PAK5: variants seen among roughly 807,000 people sequenced by gnomAD.
PAK5 encodes the protein p21 (RAC1) activated kinase 5, also known as serine/threonine-protein kinase PAK 5.
Under a neutral mutation model 65.9 loss-of-function variants are expected in PAK5, and 16 were observed. The ratio of observed to expected loss-of-function variants is 0.24; its 90% CI spans 0.16 to 0.37. The LOEUF is 0.37. PAK5 is among the 10% of genes least tolerant of loss of function. The pLI is 1.00. For synonymous variants in PAK5, 371 were observed against 354.9 expected (o/e 1.05, Z -0.51); for missense variants, 785 against 903.9 (o/e 0.87, Z 1.69).
At chr20:9,639,074 C>A (rs1350809989) in intron 3 of PAK5, among the ~76,000 whole-genome samples, 1 of 152,082 alleles carries the variant, frequency 6.6e-6, no homozygotes, top group Non-Finnish European at 1.5e-5. Flanking sequence ...GTCTTTTCTG[C>A]CCATTTATTC....
intron 6 of PAK5, among the ~76,000 whole-genome samples, chr20:9,561,395 T>C (rs982395386): frequency 6.6e-6 from 1 of 152,192 alleles, no homozygotes; most frequent in Admixed American, 6.5e-5. Flanking sequence ...AAGCAAAAAA[T>C]GTATATCACA....
intron 1 of PAK5, among the ~76,000 whole-genome samples, chr20:9,760,714 C>T (rs1377828346): frequency 7.6e-6 from 1 of 131,930 alleles, no homozygotes; most frequent in Non-Finnish European, 1.5e-5. Flanking sequence ...CTTTGTCACT[C>T]AGGCTGGAGT....
At chr20:9,690,750 C>CTTTT (rs112955560) in intron 2 of PAK5, among the ~76,000 whole-genome samples, 375 of 103,840 alleles carry the variant, frequency 3.6e-3, no homozygotes, top group Non-Finnish European at 5.4e-3. Flanking sequence ...TTCTTTCTTT[C>CTTTT]TTTTTTTTTT....
chr20:9,686,348 A>G (rs1463362262), intron 2 of PAK5, among the ~76,000 whole-genome samples: 1 of 152,170 alleles, frequency 6.6e-6, no homozygotes, highest in East Asian at 1.9e-4. Context: ...AGGAGGAGAC[A>G]CAGGCCAGGG....
intron 7 of PAK5, among the ~76,000 whole-genome samples, chr20:9,546,964 T>C (rs766600105): frequency 6.6e-6 from 1 of 152,246 alleles, no homozygotes; most frequent in Non-Finnish European, 1.5e-5. Context: ...TCTCCCAGAA[T>C]TCACATCCAT....
At chr20:9,833,890 T>C (rs1020607871) in intron 1 of PAK5, among the ~76,000 whole-genome samples, 4 of 152,224 alleles carry the variant, frequency 2.6e-5, no homozygotes, top group African/African-American at 9.6e-5. Context: ...TTTATGTATG[T>C]TTCCTGTTTT....
rs958970085 is a variant in PAK5 at position 9,565,912 on chromosome 20, C to T, written c.1463G>A (p.Arg488Gln). The T allele has an allele frequency of 1.2e-6, 2 of 1,612,884 alleles. No homozygotes were observed. Among genetic ancestry groups the T allele is most frequent in the Non-Finnish European group, 8.5e-7 (1 of 1,179,372 alleles). The change falls in exon 5 of 10, where the codon CGA becomes CAA. Residue 488 changes from arginine to glutamine, a missense_variant. Arg to Gln is a conservative substitution (Grantham distance 43). This residue lies in a region of PAK5 where 182 missense variants were observed against 273.0 expected (regional missense o/e 0.67). Coordinates refer to ENST00000353224, the MANE Select transcript of PAK5 (RefSeq NM_177990.4). The stretch of plus-strand genomic sequence containing the variant: ...CTTTACCTCATTGAAAAGCAGTTCT[C>T]GTCTCTGTTGCTTCCGGAGGTCCAT... ...KKMDLRKQQR[R>Q]ELLFNEVVIM...
chr20:9,542,627 T>C lies in PAK5; in HGVS notation c.1963A>G (p.Ile655Val). 6.2e-7 allele frequency: 1 copy of C among 1,613,992 alleles called. No homozygotes were observed. Residue 655 changes from isoleucine to valine, a missense_variant, in exon 9 of 10, where the codon ATC becomes GTC. Physicochemically the swap from Ile to Val is conservative, Grantham distance 29. This residue lies in a region of PAK5 where 110 missense variants were observed against 107.4 expected (regional missense o/e 1.02). Transcript: ENST00000353224. ...ACTCTTGGAGGTAAACTGTCCCGGA[T>C]CCTCCGCATCGCCTGGAGGGGAGGC... ...NEPPLQAMRR[I>V]RDSLPPRVKD...
intron 2 of PAK5, among the ~76,000 whole-genome samples, chr20:9,682,518 G>C (rs547840031): frequency 4.9e-4 from 74 of 152,290 alleles, no homozygotes; most frequent in African/African-American, 1.8e-3. Context: ...CAAAACCCAA[G>C]CTGTGAAGCA....
intron 1 of PAK5, among the ~76,000 whole-genome samples, chr20:9,724,608 T>C (rs1305603718): frequency 2.0e-5 from 3 of 152,192 alleles, no homozygotes; most frequent in Non-Finnish European, 4.4e-5. Flanking sequence ...CTATGGTTAT[T>C]TGGGGGCTCC....
Position 9,623,070 on chromosome 20 carries a change from G to A in PAK5, c.204+21055C>T, listed in dbSNP as rs142074444. Among the ~76,000 whole-genome samples, 15 of 152,296 alleles carry A rather than the reference G, an allele frequency of 9.8e-5. No homozygotes were observed. The East Asian group carries it at 2.9e-3, about 29-fold the overall frequency. On this transcript the variant is annotated intron_variant, in intron 3 of 9. Transcript: ENST00000353224. ...TATAAAATGAGTCCATCAACATCTAGGAGTTAGGGAAATAAAAGTATTTCA... is the reference window on the plus strand; with the variant it reads ...TATAAAATGAGTCCATCAACATCTAAGAGTTAGGGAAATAAAAGTATTTCA...
chr20:9,786,033 C>T (rs1406410826), intron 1 of PAK5, among the ~76,000 whole-genome samples: 1 of 152,144 alleles, frequency 6.6e-6, no homozygotes, highest in Non-Finnish European at 1.5e-5. Context: ...AGTACATAAG[C>T]CTTTGTCCTG....
At position 9,705,224 on chromosome 20, in the gene PAK5, T is replaced by C. The variant is rs7344558; in HGVS notation, c.-12+6062A>G. ...AATCAAGAAAATCTGAAGAGATAAA[T>C]GAGATGTGTCTAATTAAAAAAAAAA... On this transcript the variant is annotated intron_variant, in intron 2 of 9. Transcript: ENST00000353224. 1.1e-4 allele frequency among the ~76,000 whole-genome samples: 16 copies of C among 147,376 alleles called. 1 individual carries two copies. The South Asian group carries it at 3.7e-3, about 34-fold the overall frequency.
chr20:9,667,071 G>C (rs1417129079), intron 2 of PAK5, among the ~76,000 whole-genome samples: 3 of 152,164 alleles, frequency 2.0e-5, no homozygotes. Flanking sequence ...GAGGTCAGGA[G>C]TTTGAGACCA....
chr20:9,658,785 A>G (rs2047304663), intron 2 of PAK5, among the ~76,000 whole-genome samples: 1 of 152,210 alleles, frequency 6.6e-6, no homozygotes, highest in South Asian at 2.1e-4. Flanking sequence ...GTGACATTGC[A>G]GAACATTTTT....
intron 1 of PAK5, among the ~76,000 whole-genome samples, chr20:9,834,080 T>G (rs1380806494): frequency 6.6e-6 from 1 of 152,210 alleles, no homozygotes; most frequent in African/African-American, 2.4e-5. Context: ...CCATTGTGTA[T>G]CCATCACTTT....
At chr20:9,823,910 G>A (rs902410523) in intron 1 of PAK5, among the ~76,000 whole-genome samples, 1 of 152,054 alleles carries the variant, frequency 6.6e-6, no homozygotes, top group African/African-American at 2.4e-5. Flanking sequence ...GCTTGTAGAA[G>A]ATTAATCTTA....
chr20:9,646,765 G>A (rs886877940), intron 2 of PAK5, among the ~76,000 whole-genome samples: 2 of 152,132 alleles, frequency 1.3e-5, no homozygotes, highest in African/African-American at 4.8e-5. Context: ...CTGCCCTCTT[G>A]CTGTCCTTAG....
At chr20:9,617,313 A>C (rs2046675647) in intron 3 of PAK5, among the ~76,000 whole-genome samples, 1 of 152,196 alleles carries the variant, frequency 6.6e-6, no homozygotes, top group African/African-American at 2.4e-5. Flanking sequence ...AGTGGAAAGA[A>C]ACGAGTTAGC....
Sources: gnomAD v4.1 joint callset for allele counts (sites outside exome capture counted in the v4.1 genomes callset) on GRCh38, gnomAD v4.1.1 for gene constraint, gnomAD v4.1.1 regional missense constraint, MANE v1.5 for transcripts, NCBI Gene and HGNC (gene_info 2026-07-23, HGNC 2026-07-21) for gene names.